Variants in TGIF1 observed in about 807,000 individuals in gnomAD.
TGIF1 encodes TGFB induced factor homeobox 1.
In TGIF1, 4 loss-of-function variants were observed where a neutral mutation model predicts 19.3. The ratio of observed to expected loss-of-function variants is 0.21; its 90% confidence interval spans 0.10 to 0.47. TGIF1 has a LOEUF of 0.47. Among genes scored for constraint, TGIF1 ranks in the 20% least tolerant of loss-of-function variants. The pLI, the probability that TGIF1 is intolerant of heterozygous loss-of-function variation, is 0.98. For missense variants in TGIF1, 275 were observed against 341.4 expected, an observed-to-expected ratio of 0.81 and a Z score of 1.53; for synonymous variants, 122 against 129.3, an observed-to-expected ratio of 0.94 and a Z score of 0.38.
At chr18:3,430,691 T>TG (rs1448795779) in intron 2 of TGIF1, among the ~76,000 whole-genome samples, 3 of 149,228 alleles carry the variant, frequency 2.0e-5, no homozygotes, top group African/African-American at 7.4e-5. Context: ...TTTTTTTTTT[T>TG]GGTAGAGATA....
chr18:3,439,447 G>T (rs909850849), intron 2 of TGIF1, among the ~76,000 whole-genome samples: 6 of 151,456 alleles, frequency 4.0e-5, no homozygotes, highest in African/African-American at 1.5e-4. Context: ...AGGTTCAAGC[G>T]ATTCTCCTGC....
At chr18:3,430,667 G>T (rs1390184301) in intron 2 of TGIF1, among the ~76,000 whole-genome samples, 1 of 149,416 alleles carries the variant, frequency 6.7e-6, no homozygotes, top group African/African-American at 2.5e-5. Context: ...ACCACACCCG[G>T]CTAATTTTTT....
At chr18:3,434,276 C>A (rs2082587688) in intron 2 of TGIF1, among the ~76,000 whole-genome samples, 1 of 152,096 alleles carries the variant, frequency 6.6e-6, no homozygotes, top group South Asian at 2.1e-4. Context: ...GTGGCTTATG[C>A]CTGTAATCTC....
intron 1 of TGIF1, among the ~76,000 whole-genome samples, chr18:3,453,605 G>C (rs1215043977): frequency 1.3e-5 from 2 of 149,884 alleles, no homozygotes; most frequent in African/African-American, 4.9e-5. Flanking sequence ...AGAATCGCTT[G>C]AACCCTGGAG....
chr18:3,426,166 CTTTT>C (rs10675936), intron 2 of TGIF1, among the ~76,000 whole-genome samples: 3 of 116,580 alleles, frequency 2.6e-5, no homozygotes, highest in Middle Eastern at 4.2e-3. Context: ...GGCTAGGGTC[CTTTT>C]TTTTTTTTTT....
intron 2 of TGIF1, among the ~76,000 whole-genome samples, chr18:3,428,150 C>T (rs2082498507): frequency 6.6e-6 from 1 of 152,202 alleles, no homozygotes; most frequent in South Asian, 2.1e-4. Context: ...GCTCTCTCCA[C>T]TGCCACACAC....
intron 2 of TGIF1, among the ~76,000 whole-genome samples, chr18:3,435,197 A>G (rs1375311229): frequency 6.7e-6 from 1 of 150,112 alleles, no homozygotes; most frequent in Non-Finnish European, 1.5e-5. Flanking sequence ...AACCCTATAT[A>G]TATTTTTTTT....
rs1403206892 is a variant in TGIF1 at position 3,442,468 on chromosome 18, C to T, written c.-44-13886C>T. Among the ~76,000 whole-genome samples the T allele has an allele frequency of 2.0e-5, 3 of 151,982 alleles. No homozygotes were observed. In the East Asian group the frequency reaches 5.8e-4, roughly 29 times the overall value. On this transcript the variant is annotated intron_variant, in intron 2 of 3. Transcript: ENST00000401449. ...TTGCATTTATAATATTAGTTCACTG[C>T]TTTTTGCTCTTTGTCAGATGAGCTT...
rs374533251 is a variant in TGIF1 at position 3,459,763 on chromosome 18, T to G, written c.*1823T>G. The stretch of plus-strand genomic sequence containing the variant: ...AAGAAAAACTGTAAGTCACCTTAAA[T>G]TCCCTATGTTTTACTTCATTTTTTC... On this transcript the variant is annotated 3_prime_UTR_variant, in exon 3 of 3. Transcript: ENST00000343820. 1 of 152,216 alleles carries G rather than the reference T, an allele frequency of 6.6e-6. No individual in the cohort carries two copies. The highest frequency in any genetic ancestry group is 1.5e-5 in the Non-Finnish European group (1 of 68,036). 9.4% of individuals were successfully genotyped at this position (152,216 alleles called of 1,614,324 possible).
intron 2 of TGIF1, among the ~76,000 whole-genome samples, chr18:3,433,465 G>A (rs984604300): frequency 3.3e-5 from 5 of 152,214 alleles, no homozygotes; most frequent in East Asian, 1.9e-4. Flanking sequence ...TAACATGGCC[G>A]AAGGTTGAAG....
At chr18:3,448,106 C>T, upstream of TGIF1, 1 of 928,436 alleles carries the variant, frequency 1.1e-6, no homozygotes, top group Non-Finnish European at 1.2e-6. Context: ...CGACCGAAGG[C>T]GTGTTTTGTG....
intron 1 of TGIF1, among the ~76,000 whole-genome samples, chr18:3,452,738 T>C (rs528383776): frequency 1.3e-5 from 2 of 152,310 alleles, no homozygotes; most frequent in East Asian, 3.9e-4. Context: ...CCGTCGGCTC[T>C]GGAAAGACTC....
upstream of TGIF1, chr18:3,447,657 G>A (rs2082766655): frequency 2.0e-6 from 3 of 1,515,616 alleles, no homozygotes; most frequent in Non-Finnish European, 2.7e-6. Context: ...GGGAGCGGTT[G>A]GGCTGTAAGC....
chr18:3,427,224 G>A (rs374069695), intron 2 of TGIF1, among the ~76,000 whole-genome samples: 11 of 152,000 alleles, frequency 7.2e-5, no homozygotes, highest in East Asian at 3.9e-4. Flanking sequence ...GATTACAGGC[G>A]TGAGCCACCG....
intron 2 of TGIF1, among the ~76,000 whole-genome samples, chr18:3,440,415 C>T (rs1305350065): frequency 1.3e-5 from 2 of 151,590 alleles, no homozygotes; most frequent in Non-Finnish European, 2.9e-5. Flanking sequence ...ATTTGGTCAT[C>T]CAAATCCAAA....
intron 1 of TGIF1, chr18:3,452,378 G>A (rs746651048): frequency 1.9e-6 from 3 of 1,613,282 alleles, no homozygotes; most frequent in African/African-American, 1.3e-5. Context: ...TGGAAACAAT[G>A]AAAGGTGACG....
upstream of TGIF1, chr18:3,447,628 G>A: frequency 8.5e-7 from 1 of 1,182,778 alleles, no homozygotes. Flanking sequence ...CTGGGGGGAG[G>A]CAGTGGGGGT....
intron 1 of TGIF1, among the ~76,000 whole-genome samples, chr18:3,454,388 A>T (rs1164018981): frequency 1.3e-5 from 2 of 152,216 alleles, no homozygotes; most frequent in African/African-American, 4.8e-5. Context: ...GATTAAAAAA[A>T]GGAAGGAGAT....
At chr18:3,436,138 A>C (rs187657017) in intron 2 of TGIF1, among the ~76,000 whole-genome samples, 2 of 152,310 alleles carry the variant, frequency 1.3e-5, no homozygotes, top group East Asian at 3.9e-4. Flanking sequence ...AGCAAGGTTA[A>C]TACTTCACAC....
Sources: allele counts gnomAD v4.1 joint callset (sites outside exome capture counted in the v4.1 genomes callset), GRCh38; gene constraint gnomAD v4.1.1; transcripts MANE v1.5; gene names NCBI Gene and HGNC (gene_info 2026-07-23, HGNC 2026-07-21).